The following ATP10A variants were observed in gnomAD, a reference collection of about 807,000 sequenced individuals.
ATP10A encodes the protein phospholipid-transporting ATPase VA.
ATP10A carries 111 observed loss-of-function variants against 147.8 expected under a neutral mutation model. The ratio of observed to expected loss-of-function variants is 0.75; its 90% CI spans 0.64 to 0.88. The LOEUF (loss-of-function observed/expected upper bound fraction) is 0.88, where lower values mean the gene tolerates loss of function less well. ATP10A is among the 40% of genes least tolerant of loss of function. ATP10A has a pLI of 0.00. For missense variants in ATP10A, 1,927 were observed against 1,959.0 expected (o/e 0.98, Z 0.31); for synonymous variants, 875 against 841.6 (o/e 1.04, Z -0.69).
At chr15:25,677,917 G>C (rs1030314314), downstream of ATP10A, 3 of 152,422 alleles carry the variant, frequency 2.0e-5, no homozygotes, top group African/African-American at 7.2e-5. Context: ...AGGAAACCAG[G>C]ACTCTGTTTG....
intron 1 of ATP10A, among the ~76,000 whole-genome samples, chr15:25,814,360 T>C (rs1891558649): frequency 6.6e-6 from 1 of 152,224 alleles, no homozygotes; most frequent in Non-Finnish European, 1.5e-5. Context: ...TGGGCAGACC[T>C]GTACCATGGC....
At chr15:25,732,485 A>G (rs1202498188) in intron 3 of ATP10A, among the ~76,000 whole-genome samples, 2 of 151,492 alleles carry the variant, frequency 1.3e-5, no homozygotes, top group Non-Finnish European at 2.9e-5. Context: ...CACACCCCCA[A>G]ACCCTGGCAA....
At chr15:25,721,164 G>A (rs1169670456) in intron 7 of ATP10A, among the ~76,000 whole-genome samples, 3 of 152,242 alleles carry the variant, frequency 2.0e-5, no homozygotes, top group African/African-American at 7.2e-5. Flanking sequence ...AGAGGTGGGA[G>A]TGGGGACCGC....
Position 25,797,321 on chromosome 15 carries a change from A to G in ATP10A, c.450-16098T>C, listed in dbSNP as rs1890718048. Among the ~76,000 whole-genome samples, 2 of 152,326 alleles carry G rather than the reference A, an allele frequency of 1.3e-5. 1 individual carries two copies. The highest frequency in any genetic ancestry group is 4.1e-4 in the South Asian group (2 of 4,828). ...GTTGGAAATGTAATTTTTTCAGAAA[A>G]GAATTCACAAAGTACATGTCTTTGT... On this transcript the variant is annotated intron_variant, in intron 1 of 20. Coordinates refer to ENST00000555815, the MANE Select transcript of ATP10A (RefSeq NM_024490.4).
chr15:25,700,731 C>G (rs1318736391), intron 13 of ATP10A, among the ~76,000 whole-genome samples: 1 of 152,078 alleles, frequency 6.6e-6, no homozygotes, highest in East Asian at 1.9e-4. Context: ...GATGATGGAA[C>G]TCTCCTGGAC....
intron 1 of ATP10A, among the ~76,000 whole-genome samples, chr15:25,821,085 G>C (rs1050833031): frequency 1.3e-5 from 2 of 152,142 alleles, no homozygotes; most frequent in Non-Finnish European, 2.9e-5. Context: ...TAGAAAAACT[G>C]GCAAAGAAAC....
downstream of ATP10A, among the ~76,000 whole-genome samples, chr15:25,674,857 G>A (rs1377509776): frequency 6.6e-6 from 1 of 152,240 alleles, no homozygotes; most frequent in Non-Finnish European, 1.5e-5. Context: ...AGGACAGCCC[G>A]GGGCCTGGGG....
At chr15:25,699,414 C>T (rs1049988112) in intron 13 of ATP10A, among the ~76,000 whole-genome samples, 1 of 152,194 alleles carries the variant, frequency 6.6e-6, no homozygotes, top group Non-Finnish European at 1.5e-5. Flanking sequence ...GAAGTCTAAC[C>T]TAACCCTCAC....
At position 25,781,010 on chromosome 15, in the gene ATP10A, G is replaced by A; in HGVS notation, c.654+9C>T. On this transcript the variant is annotated intron_variant, in intron 2 of 20. Coordinates refer to ENST00000555815, the MANE Select transcript of ATP10A (RefSeq NM_024490.4). ...TGCCTGCAAGGCCCTGGAAACGTGG[G>A]TCACTTACAAGCTCCGAGAAGCCGC... 1 of 1,613,134 alleles carries A rather than the reference G, an allele frequency of 6.2e-7. No homozygotes were observed. The highest frequency in any genetic ancestry group is 8.5e-7 in the Non-Finnish European group (1 of 1,179,804).
intron 2 of ATP10A, 84 bp downstream of exon 2, chr15:25,780,935 A>T: frequency 7.1e-7 from 1 of 1,410,016 alleles, no homozygotes; most frequent in Non-Finnish European, 9.8e-7. Flanking sequence ...AGGAAAATGC[A>T]GGTGCTCTGA....
intron 12 of ATP10A, among the ~76,000 whole-genome samples, chr15:25,707,253 C>T (rs921036411): frequency 8.6e-5 from 13 of 151,930 alleles, no homozygotes; most frequent in South Asian, 2.1e-4. Context: ...AAGTGAACAC[C>T]GCCTTTTTGT....
rs564661004 is a variant in ATP10A, at chr15:25,758,890, C to G, written c.654+22129G>C. Reference sequence around the variant, plus strand: ...ATTCCGACCACCTGCTCCACCCTTACTCATTCTGATCACCTGCTCCACCCT... The same window carrying G: ...ATTCCGACCACCTGCTCCACCCTTAGTCATTCTGATCACCTGCTCCACCCT... On this transcript the variant is annotated intron_variant, in intron 2 of 20. Transcript: ENST00000555815. 7.5e-4 allele frequency among the ~76,000 whole-genome samples: 114 copies of G among 151,502 alleles called. 5 individuals carry two copies. Among genetic ancestry groups the G allele is most frequent in the African/African-American group, 2.7e-3 (110 of 41,078 alleles).
At chr15:25,727,407 G>T in intron 3 of ATP10A, 141 bp from the exon 4 acceptor site, 1 of 696,686 alleles carries the variant, frequency 1.4e-6, no homozygotes, top group East Asian at 2.7e-5. Context: ...GGTACAGGGG[G>T]CCCCCGAGAG....
At chr15:25,758,725 C>CCTAA (rs36181262) in intron 2 of ATP10A, among the ~76,000 whole-genome samples, 2 of 127,890 alleles carry the variant, frequency 1.6e-5, no homozygotes, top group Admixed American at 8.2e-5. Flanking sequence ...CCTGCTCCAC[C>CCTAA]CTCATTCCGA....
chr15:25,699,557 T>C (rs988949628), intron 13 of ATP10A, among the ~76,000 whole-genome samples: 6 of 152,196 alleles, frequency 3.9e-5, no homozygotes, highest in African/African-American at 7.2e-5. Context: ...AAATGCATGA[T>C]ACATAAAATT....
At chr15:25,788,450 C>T (rs887132303) in intron 1 of ATP10A, among the ~76,000 whole-genome samples, 27 of 152,238 alleles carry the variant, frequency 1.8e-4, no homozygotes, top group African/African-American at 4.3e-4. Context: ...CCTCTGCTCC[C>T]GTCCCACCCG....
In ATP10A at chr15:25,691,726, C is replaced by T. The variant is rs1163471611; in HGVS notation, c.3154G>A (p.Glu1052Lys). Reference sequence around the variant, plus strand: ...TGATTGGTCTTTACCTGCATACCCTCCTGGCCGGAGATTCCCACACCCACA... The same window carrying T: ...TGATTGGTCTTTACCTGCATACCCTTCTGGCCGGAGATTCCCACACCCACA... Reference protein sequence around the residue: ...ADVGVGISGQEGMQAVMASDF... With the variant: ...ADVGVGISGQKGMQAVMASDF... The change falls in exon 15 of 21, where the codon GAG becomes AAG. Residue 1052 changes from glutamate to lysine, a missense_variant. Glu to Lys is a moderately conservative substitution (Grantham distance 56). Coordinates refer to ENST00000555815, the MANE Select transcript of ATP10A (RefSeq NM_024490.4). The T allele has an allele frequency of 6.2e-7, 1 of 1,614,226 alleles. No homozygotes were observed. Among genetic ancestry groups the T allele is most frequent in the Non-Finnish European group, 8.5e-7 (1 of 1,180,048 alleles).
chr15:25,775,872 C>T (rs748732291), intron 2 of ATP10A, among the ~76,000 whole-genome samples: 1 of 152,254 alleles, frequency 6.6e-6, no homozygotes, highest in Non-Finnish European at 1.5e-5. Flanking sequence ...GCCCTGTCCC[C>T]GCCTCACCCC....
chr15:25,805,904 T>C lies in ATP10A; in HGVS notation c.450-24681A>G, dbSNP rs527803075. On this transcript the variant is annotated intron_variant, in intron 1 of 20. Coordinates refer to ENST00000555815, the MANE Select transcript of ATP10A (RefSeq NM_024490.4). ...ACATCTGCCATTTATTTGGAATAGT[T>C]TTCCCAAGCCATTTACCTTAATGAT... 9.8e-5 allele frequency among the ~76,000 whole-genome samples: 15 copies of C among 152,344 alleles called. No individual in the cohort carries two copies. In the East Asian group the frequency reaches 2.9e-3, roughly 29 times the overall value.
Sources: allele counts gnomAD v4.1 joint callset (sites outside exome capture counted in the v4.1 genomes callset), GRCh38; gene constraint gnomAD v4.1.1; transcripts MANE v1.5; gene names NCBI Gene and HGNC (gene_info 2026-07-23, HGNC 2026-07-21).